Variants in MARCHF1 observed in about 807,000 individuals in gnomAD.
MARCHF1 encodes membrane associated ring-CH-type finger 1.
In MARCHF1, 40 loss-of-function variants were observed where a neutral mutation model predicts 54.2. That is an observed-to-expected ratio of 0.74 (90% confidence interval 0.57 to 0.96). The LOEUF is 0.96. MARCHF1 is among the 40% of genes least tolerant of loss of function. The pLI, the probability that MARCHF1 is intolerant of heterozygous loss-of-function variation, is 0.00. For missense variants in MARCHF1, 586 were observed against 656.5 expected (o/e 0.89, Z 1.17); for synonymous variants, 236 against 236.3 (o/e 1.00, Z 0.01).
At chr4:164,085,068 A>G (rs1755168268) in intron 2 of MARCHF1, among the ~76,000 whole-genome samples, 1 of 151,778 alleles carries the variant, frequency 6.6e-6, no homozygotes, top group Non-Finnish European at 1.5e-5. Context: ...CCATTTAATA[A>G]GTTTTCTCTC....
chr4:164,332,080 C>T (rs189511118), intron 1 of MARCHF1, among the ~76,000 whole-genome samples: 1 of 152,226 alleles, frequency 6.6e-6, no homozygotes, highest in African/African-American at 2.4e-5. Context: ...TTCTCTTATT[C>T]TGTCTGTTCC....
intron 4 of MARCHF1, among the ~76,000 whole-genome samples, chr4:163,820,952 C>T (rs576397169): frequency 6.6e-6 from 1 of 152,064 alleles, no homozygotes. Context: ...TTGCTAACTA[C>T]CTGCTTAAAA....
chr4:164,281,969 C>T (rs1322036077), intron 1 of MARCHF1, among the ~76,000 whole-genome samples: 1 of 143,286 alleles, frequency 7.0e-6, no homozygotes, highest in Admixed American at 7.8e-5. Flanking sequence ...CACATGCATC[C>T]CTCATCTGGC....
At chr4:163,750,149 G>T (rs1023833137) in intron 4 of MARCHF1, among the ~76,000 whole-genome samples, 5 of 151,900 alleles carry the variant, frequency 3.3e-5, no homozygotes, top group Admixed American at 3.3e-4. Context: ...AATGGTCTCA[G>T]CCTATTCTGC....
At chr4:164,155,342 AAAG>A (rs1475314076) in intron 1 of MARCHF1, among the ~76,000 whole-genome samples, 1 of 151,970 alleles carries the variant, frequency 6.6e-6, no homozygotes, top group Non-Finnish European at 1.5e-5. Context: ...TTCAAAAAAA[AAAG>A]AAATGCATTT....
chr4:164,027,632 C>G (rs1394177870), intron 2 of MARCHF1, among the ~76,000 whole-genome samples: 1 of 151,860 alleles, frequency 6.6e-6, no homozygotes, highest in African/African-American at 2.4e-5. Context: ...TGTAAGATGT[C>G]AAATTATAAA....
At chr4:164,378,718 T>G (rs1399884765) in intron 1 of MARCHF1, among the ~76,000 whole-genome samples, 1 of 152,166 alleles carries the variant, frequency 6.6e-6, no homozygotes. Flanking sequence ...ATAAGTTTGT[T>G]TTTTGTTTTT....
chr4:163,774,787 C>T (rs368426639), intron 4 of MARCHF1, among the ~76,000 whole-genome samples: 3 of 152,074 alleles, frequency 2.0e-5, no homozygotes, highest in African/African-American at 4.8e-5. Flanking sequence ...TGAGTGACCA[C>T]GCCCAGTCAC....
intron 2 of MARCHF1, among the ~76,000 whole-genome samples, chr4:164,098,887 T>C (rs1755473077): frequency 6.6e-6 from 1 of 152,222 alleles, no homozygotes; most frequent in Non-Finnish European, 1.5e-5. Flanking sequence ...CTCATGCTAA[T>C]TTAGAAAAGG....
intron 4 of MARCHF1, among the ~76,000 whole-genome samples, chr4:163,722,191 A>T (rs1745492941): frequency 6.6e-6 from 1 of 152,000 alleles, no homozygotes; most frequent in South Asian, 2.1e-4. Flanking sequence ...CCCTCTACAC[A>T]CTGCTTTAAA....
intron 1 of MARCHF1, among the ~76,000 whole-genome samples, chr4:164,119,385 A>AATACAAATAAAGAAATACAAATAATAC (rs1756015131): frequency 6.6e-6 from 1 of 151,472 alleles, no homozygotes; most frequent in African/African-American, 2.4e-5. Context: ...ACAAATAATA[A>AATACAAATAAAGAAATACAAATAATAC]ATACAAATAA....
intron 4 of MARCHF1, among the ~76,000 whole-genome samples, chr4:163,704,085 T>C (rs937060847): frequency 5.3e-5 from 8 of 150,542 alleles, no homozygotes; most frequent in African/African-American, 2.0e-4. Context: ...AGGGACATAA[T>C]AAAGCTTAAA....
chr4:163,819,788 C>T (rs1748641740), intron 4 of MARCHF1, among the ~76,000 whole-genome samples: 1 of 152,086 alleles, frequency 6.6e-6, no homozygotes, highest in African/African-American at 2.4e-5. Flanking sequence ...TCTGTCATCT[C>T]TTCTACTACA....
At chr4:163,669,601 CTTT>C (rs11338534) in intron 5 of MARCHF1, among the ~76,000 whole-genome samples, 14 of 141,652 alleles carry the variant, frequency 9.9e-5, no homozygotes, top group Admixed American at 1.4e-4. Context: ...AGATGTTTAT[CTTT>C]TTTTTTTTTT....
chr4:163,950,814 A>C (rs571428715), intron 3 of MARCHF1, among the ~76,000 whole-genome samples: 6 of 152,354 alleles, frequency 3.9e-5, no homozygotes, highest in African/African-American at 1.4e-4. Flanking sequence ...TGAGTACGTA[A>C]ATTTATGAAA....
chr4:163,651,575 A>G (rs938474405), intron 5 of MARCHF1, among the ~76,000 whole-genome samples: 1 of 146,848 alleles, frequency 6.8e-6, no homozygotes, highest in African/African-American at 2.6e-5. Flanking sequence ...TCTTTTTTTA[A>G]AAGTGGTTTT....
chr4:163,998,702 T>C (rs2110912457), intron 2 of MARCHF1, among the ~76,000 whole-genome samples: 1 of 151,906 alleles, frequency 6.6e-6, no homozygotes, highest in South Asian at 2.1e-4. Flanking sequence ...TCAACTTTGT[T>C]AGATTTCACA....
At chr4:163,683,887 A>G (rs1744185769) in intron 5 of MARCHF1, among the ~76,000 whole-genome samples, 1 of 143,300 alleles carries the variant, frequency 7.0e-6, no homozygotes, top group Admixed American at 7.0e-5. Flanking sequence ...CATCATGTGG[A>G]GGCTCACTCA....
chr4:163,644,615 G>A lies in MARCHF1; in HGVS notation c.163-31222C>T, dbSNP rs186197836. On this transcript the variant is annotated intron_variant, in intron 5 of 9. Coordinates refer to ENST00000514618, the MANE Select transcript of MARCHF1 (RefSeq NM_001394959.1). ...CTATGGTCAGAGAGCAGTTCTACCT[G>A]TTCAGGGATCTGGAGGGAAGCATAG... is the stretch of plus-strand genomic sequence containing the variant. Among the ~76,000 whole-genome samples, 60 of 152,252 alleles carry A rather than the reference G, an allele frequency of 3.9e-4. No individual in the cohort carries two copies. In the Middle Eastern group the frequency reaches 0.017, roughly 43 times the overall value.
Sources: allele counts gnomAD v4.1 joint callset (sites outside exome capture counted in the v4.1 genomes callset), GRCh38; gene constraint gnomAD v4.1.1; transcripts MANE v1.5; gene names NCBI Gene and HGNC (gene_info 2026-07-23, HGNC 2026-07-21).